The following PIGL variants were observed in gnomAD, a reference collection of about 807,000 sequenced individuals.
PIGL encodes the protein phosphatidylinositol glycan anchor biosynthesis class L.
A neutral mutation model predicts 31.1 loss-of-function variants in PIGL; 22 were observed. The observed-to-expected ratio is 0.71, with a 90% CI of 0.51 to 1.01. The LOEUF (loss-of-function observed/expected upper bound fraction) is 1.01. Among genes scored for constraint, PIGL ranks in the 50% least tolerant of loss-of-function variants. The pLI is 0.00. For missense variants in PIGL, 302 were observed against 315.9 expected, an observed-to-expected ratio of 0.96 and a Z score of 0.33; for synonymous variants, 131 against 117.4, an observed-to-expected ratio of 1.12 and a Z score of -0.75.
intron 2 of PIGL, among the ~76,000 whole-genome samples, chr17:16,273,645 G>T (rs2092881617): frequency 6.6e-6 from 1 of 152,100 alleles, no homozygotes; most frequent in Admixed American, 6.6e-5. Flanking sequence ...TTCTAGTGCT[G>T]CTACAGAGGT....
intron 2 of PIGL, among the ~76,000 whole-genome samples, chr17:16,293,324 T>C (rs1371827477): frequency 6.6e-6 from 1 of 152,148 alleles, no homozygotes; most frequent in Non-Finnish European, 1.5e-5. Context: ...GGAGATCCAG[T>C]CCATCCTGGC....
At chr17:16,266,602 C>CT (rs990912324) in intron 2 of PIGL, among the ~76,000 whole-genome samples, 6 of 149,606 alleles carry the variant, frequency 4.0e-5, no homozygotes, top group African/African-American at 1.5e-4. Flanking sequence ...ATAATAGTTT[C>CT]TTTTTTTTTC....
chr17:16,217,635 TGGGTTGGGGGA>T, intron 1 of PIGL, 174 bp downstream of exon 1: 38 of 530,010 alleles, frequency 7.2e-5, no homozygotes, highest in South Asian at 2.4e-4. Context: ...GCTTACCTGG[TGGGTTGGGGGA>T]CGTCGGCAGC....
intron 5 of PIGL, chr17:16,316,981 C>T: frequency 8.0e-7 from 1 of 1,253,406 alleles, no homozygotes; most frequent in Non-Finnish European, 1.0e-6. Flanking sequence ...GGATGTTTTA[C>T]ACCTCTGGTA....
intron 2 of PIGL, among the ~76,000 whole-genome samples, chr17:16,237,217 C>G (rs2092703143): frequency 6.7e-6 from 1 of 150,166 alleles, no homozygotes; most frequent in Non-Finnish European, 1.5e-5. Context: ...AAGTGATTCT[C>G]CTGCCTCAGC....
chr17:16,237,935 C>G (rs7215071), intron 2 of PIGL, among the ~76,000 whole-genome samples: 57,218 of 151,582 alleles, frequency 0.38, 12,303 homozygotes, highest in Middle Eastern at 0.51. Context: ...CATTGGCTCA[C>G]GCCTGTAATC....
chr17:16,220,528 T>C (rs2092623510), intron 1 of PIGL, among the ~76,000 whole-genome samples: 1 of 140,216 alleles, frequency 7.1e-6, no homozygotes, highest in Non-Finnish European at 1.5e-5. Flanking sequence ...TCACCCTGTC[T>C]CTCAGGCTAG....
At chr17:16,253,138 C>A (rs1218800838) in intron 2 of PIGL, among the ~76,000 whole-genome samples, 1 of 152,116 alleles carries the variant, frequency 6.6e-6, no homozygotes, top group Non-Finnish European at 1.5e-5. Context: ...CCATCACGCC[C>A]AGTTACCCGG....
At chr17:16,320,208 A>T (rs2093097377) in intron 6 of PIGL, among the ~76,000 whole-genome samples, 2 of 14,826 alleles carry the variant, frequency 1.3e-4, no homozygotes, top group Admixed American at 1.0e-3. Context: ...AAGAAAAGGA[A>T]GGAAGGAAGG....
chr17:16,304,728 C>G (rs1356783516), intron 3 of PIGL, among the ~76,000 whole-genome samples: 1 of 152,174 alleles, frequency 6.6e-6, no homozygotes, highest in African/African-American at 2.4e-5. Flanking sequence ...AACCCCTCTA[C>G]CTCAACTTTC....
At chr17:16,299,508 A>C (rs962752396) in intron 2 of PIGL, among the ~76,000 whole-genome samples, 1 of 152,216 alleles carries the variant, frequency 6.6e-6, no homozygotes, top group African/African-American at 2.4e-5. Context: ...AGGTTAATGA[A>C]GTAACATATC....
chr17:16,297,183 G>A (rs1458518549), intron 2 of PIGL, among the ~76,000 whole-genome samples: 1 of 152,204 alleles, frequency 6.6e-6, no homozygotes, highest in African/African-American at 2.4e-5. Flanking sequence ...TTTATCAGAT[G>A]TGTCACATCA....
chr17:16,289,019 A>G (rs190540494), intron 2 of PIGL, among the ~76,000 whole-genome samples: 150 of 149,804 alleles, frequency 1.0e-3, no homozygotes, highest in African/African-American at 3.5e-3. Context: ...CTCTGTATTC[A>G]AAGGTCTAGG....
Position 16,242,644 on chromosome 17 carries a change from C to CTT in PIGL, c.335+8600_335+8601dup, listed in dbSNP as rs35572629. On this transcript the variant is annotated intron_variant, in intron 2 of 6. Coordinates refer to ENST00000225609, the MANE Select transcript of PIGL (RefSeq NM_004278.4). ...AACATATGCCTCTTATTTCTGATTC[C>CTT]TTTTTTTTTTTTTTTTTTTTTTTTT... Among the ~76,000 whole-genome samples, 126 of 79,072 alleles carry CTT rather than the reference C, an allele frequency of 1.6e-3. 3 individuals carry two copies. Among genetic ancestry groups the CTT allele is most frequent in the Admixed American group, 2.4e-3 (13 of 5,502 alleles). The allele number at this position is 79,072 out of a possible 152,430, so 51.9% of individuals were successfully genotyped here.
At chr17:16,250,095 T>A (rs374440538) in intron 2 of PIGL, among the ~76,000 whole-genome samples, 2 of 152,220 alleles carry the variant, frequency 1.3e-5, no homozygotes, top group East Asian at 3.9e-4. Context: ...TACCGACATA[T>A]GCCACCATGT....
chr17:16,306,216 C>A (rs566001879), intron 3 of PIGL, among the ~76,000 whole-genome samples: 1 of 151,896 alleles, frequency 6.6e-6, no homozygotes, highest in Non-Finnish European at 1.5e-5. Flanking sequence ...CCCAAAGTGT[C>A]GGGATTACAG....
chr17:16,241,891 T>G (rs2092724675), intron 2 of PIGL, among the ~76,000 whole-genome samples: 1 of 152,160 alleles, frequency 6.6e-6, no homozygotes, highest in South Asian at 2.1e-4. Flanking sequence ...ATCGTGAAGA[T>G]GTACCATAAC....
intron 2 of PIGL, among the ~76,000 whole-genome samples, chr17:16,285,317 T>C (rs546106027): frequency 6.6e-6 from 1 of 152,362 alleles, no homozygotes; most frequent in East Asian, 1.9e-4. Context: ...CCGGGCGCGG[T>C]GGCTCAAGCC....
chr17:16,244,364 G>A (rs535714665), intron 2 of PIGL, among the ~76,000 whole-genome samples: 2 of 152,204 alleles, frequency 1.3e-5, no homozygotes, highest in Non-Finnish European at 2.9e-5. Context: ...TTGGAGGTTA[G>A]AAGCAAGATG....
Sources: allele counts gnomAD v4.1 joint callset (sites outside exome capture counted in the v4.1 genomes callset), GRCh38; gene constraint gnomAD v4.1.1; transcripts MANE v1.5; gene names NCBI Gene and HGNC (gene_info 2026-07-23, HGNC 2026-07-21).